The following TGFBR3 variants were observed in gnomAD, a reference collection of about 807,000 sequenced individuals.
TGFBR3 encodes transforming growth factor beta receptor type 3.
A neutral mutation model predicts 87.9 loss-of-function variants in TGFBR3; 46 were observed. The ratio of observed to expected loss-of-function variants is 0.52; its 90% CI spans 0.41 to 0.67. The LOEUF (loss-of-function observed/expected upper bound fraction) is 0.67. TGFBR3 is among the 30% of genes least tolerant of loss of function. TGFBR3 has a pLI of 0.00. For synonymous variants in TGFBR3, 381 were observed against 391.6 expected (o/e 0.97, Z 0.32); for missense variants, 866 against 1,041.9 (o/e 0.83, Z 2.32).
chr1:91,846,669 C>T (rs1239861693), intron 2 of TGFBR3, among the ~76,000 whole-genome samples: 2 of 151,776 alleles, frequency 1.3e-5, no homozygotes, highest in Admixed American at 6.6e-5. Context: ...CTGTCACCCC[C>T]GAAAAGGGTT....
intron 1 of TGFBR3, among the ~76,000 whole-genome samples, chr1:91,882,005 C>G (rs1377703570): frequency 6.6e-6 from 1 of 150,630 alleles, no homozygotes; most frequent in Admixed American, 6.6e-5. Context: ...CTCCACTGCA[C>G]TCCAGCCTGG....
chr1:91,741,810 C>CA (rs1673168834), intron 4 of TGFBR3, among the ~76,000 whole-genome samples: 1 of 152,184 alleles, frequency 6.6e-6, no homozygotes, highest in South Asian at 2.1e-4. Flanking sequence ...TAATCTCAAC[C>CA]AAACTGTTGC....
rs762255439 is a variant in TGFBR3 at position 91,712,474 on chromosome 1, C to G, written c.1935G>C (p.Ser645=). 6.2e-7 allele frequency: 1 copy of G among 1,614,076 alleles called. No homozygotes were observed. The highest frequency in any genetic ancestry group is 8.5e-7 in the Non-Finnish European group (1 of 1,180,006). The change falls in exon 13 of 17, where the codon TCG becomes TCC. Residue 645 remains serine (S), a synonymous_variant. Transcript: ENST00000212355. The part of the protein sequence containing the change: ...AIQTCFISPY[S]NPDRMSHYTI... Reference sequence around the variant, plus strand: ...TGTAATGAGACATCCTATCAGGGTTCGAATATGGAGAGATAAAGCACGTTT... The same window carrying G: ...TGTAATGAGACATCCTATCAGGGTTGGAATATGGAGAGATAAAGCACGTTT...
chr1:91,849,542 A>C (rs1278317623), intron 2 of TGFBR3, among the ~76,000 whole-genome samples: 1 of 152,138 alleles, frequency 6.6e-6, no homozygotes. Context: ...ACCTTACTTC[A>C]AATTGCAATC....
chr1:91,810,908 A>G (rs1434040076), intron 2 of TGFBR3, among the ~76,000 whole-genome samples: 4 of 152,258 alleles, frequency 2.6e-5, no homozygotes, highest in Non-Finnish European at 4.4e-5. Flanking sequence ...ACTTCATCAA[A>G]GCACTTAGCT....
intron 1 of TGFBR3, among the ~76,000 whole-genome samples, chr1:91,875,273 AG>A (rs1047630622): frequency 1.1e-4 from 16 of 152,182 alleles, no homozygotes; most frequent in African/African-American, 3.6e-4. Context: ...AGCCTGGAAG[AG>A]TAAGCAGGAA....
intron 4 of TGFBR3, among the ~76,000 whole-genome samples, chr1:91,737,477 G>GCAC (rs1673006104): frequency 6.6e-6 from 1 of 152,154 alleles, no homozygotes; most frequent in Non-Finnish European, 1.5e-5. Flanking sequence ...AGAGAGTCAT[G>GCAC]CACCAGGCCC....
At chr1:91,751,373 T>C (rs1006238018) in intron 4 of TGFBR3, among the ~76,000 whole-genome samples, 4 of 152,174 alleles carry the variant, frequency 2.6e-5, no homozygotes, top group Admixed American at 6.5e-5. Flanking sequence ...CTTGGCTTCA[T>C]GAAAAGGTAA....
chr1:91,865,391 T>A (rs1306855946), intron 1 of TGFBR3, among the ~76,000 whole-genome samples: 1 of 151,592 alleles, frequency 6.6e-6, no homozygotes, highest in East Asian at 1.9e-4. Context: ...GTATACCTAA[T>A]GTATACCTAT....
rs539772132 is a variant in TGFBR3, at chr1:91,830,614, T to C, written c.61+30857A>G. Among the ~76,000 whole-genome samples the C allele has an allele frequency of 2.6e-5, 4 of 152,234 alleles. No homozygotes were observed. In the East Asian group the frequency reaches 7.7e-4, roughly 29 times the overall value. On this transcript the variant is annotated intron_variant, in intron 2 of 16. Transcript: ENST00000212355. ...CAGTCATACCAGCCAGTACTTTATA[T>C]GGGAGTCTGCCCCCTGAGGAGAAAC...
intron 2 of TGFBR3, among the ~76,000 whole-genome samples, chr1:91,801,770 C>T (rs747222457): frequency 1.3e-5 from 2 of 152,048 alleles, no homozygotes; most frequent in African/African-American, 2.4e-5. Flanking sequence ...CCTTAAGAAA[C>T]CTTCCTCAAA....
At chr1:91,716,749 C>A in intron 10 of TGFBR3, 41 bp from the exon 11 acceptor site, 1 of 1,613,032 alleles carries the variant, frequency 6.2e-7, no homozygotes, top group Non-Finnish European at 8.5e-7. Flanking sequence ...ATAAAAACAC[C>A]AAACCATGTG....
At chr1:91,834,838 C>G (rs915549194) in intron 2 of TGFBR3, among the ~76,000 whole-genome samples, 1 of 152,170 alleles carries the variant, frequency 6.6e-6, no homozygotes, top group South Asian at 2.1e-4. Context: ...GCCACCACAC[C>G]CAGCTAATTT....
At chr1:91,761,759 G>A (rs1435618949) in intron 3 of TGFBR3, among the ~76,000 whole-genome samples, 1 of 151,364 alleles carries the variant, frequency 6.6e-6, no homozygotes, top group South Asian at 2.1e-4. Context: ...CCCAGGCTTG[G>A]GGGAAAAAAA....
chr1:91,689,198 A>T (rs1403698968), intron 16 of TGFBR3, among the ~76,000 whole-genome samples: 1 of 152,054 alleles, frequency 6.6e-6, no homozygotes, highest in African/African-American at 2.4e-5. Context: ...TTAATAGAAA[A>T]CTTAATTCTT....
intron 11 of TGFBR3, 45 bp from the exon 12 acceptor site, chr1:91,716,439 G>A (rs1157008796): frequency 1.2e-6 from 2 of 1,614,062 alleles, no homozygotes; most frequent in East Asian, 4.5e-5. Context: ...GTCATATGAA[G>A]GATGAAGGCC....
intron 4 of TGFBR3, among the ~76,000 whole-genome samples, chr1:91,740,734 A>C (rs1673133059): frequency 6.6e-6 from 1 of 152,200 alleles, no homozygotes; most frequent in Non-Finnish European, 1.5e-5. Flanking sequence ...GCTGAAATGA[A>C]GACAAGATAT....
chr1:91,741,353 T>C (rs1282356240), intron 4 of TGFBR3, among the ~76,000 whole-genome samples: 2 of 151,896 alleles, frequency 1.3e-5, no homozygotes, highest in Admixed American at 1.3e-4. Flanking sequence ...GGGGAAGGGG[T>C]GAGGAGCTTC....
chr1:91,888,781 C>A (rs1054470333), upstream of TGFBR3, among the ~76,000 whole-genome samples: 1 of 152,204 alleles, frequency 6.6e-6, no homozygotes, highest in African/African-American at 2.4e-5. Flanking sequence ...TTAGGAGTGT[C>A]TTGTCTTTAA....
Sources: allele counts gnomAD v4.1 joint callset (sites outside exome capture counted in the v4.1 genomes callset), GRCh38; gene constraint gnomAD v4.1.1; transcripts MANE v1.5; gene names NCBI Gene and HGNC (gene_info 2026-07-23, HGNC 2026-07-21).